Variants in NPFFR2 observed in about 807,000 individuals in gnomAD.
NPFFR2 encodes G-protein coupled receptor 74.
NPFFR2 carries 15 observed loss-of-function variants against 13.1 expected under a neutral mutation model. That is an observed-to-expected ratio of 1.15 (90% CI 0.77 to 1.76). NPFFR2 has a LOEUF of 1.76. Ranked by LOEUF, NPFFR2 falls within the 40% of genes most tolerant of loss-of-function variation. The pLI, the probability that NPFFR2 is intolerant of heterozygous loss-of-function variation, is 0.00. For synonymous variants in NPFFR2, 190 were observed against 175.7 expected, an observed-to-expected ratio of 1.08 and a Z score of -0.65; for missense variants, 572 against 503.5, an observed-to-expected ratio of 1.14 and a Z score of -1.30.
intron 1 of NPFFR2, among the ~76,000 whole-genome samples, chr4:72,102,235 A>T (rs1237364306): frequency 6.6e-6 from 1 of 152,062 alleles, no homozygotes; most frequent in Non-Finnish European, 1.5e-5. Flanking sequence ...TGGTGGAAAA[A>T]CTTAAATGTC....
rs568135801 is a variant in NPFFR2, at chr4:72,085,000, T to TGTCC, written c.-7-43585_-7-43584insGTCC. 5.9e-5 allele frequency among the ~76,000 whole-genome samples: 9 copies of TGTCC among 152,106 alleles called. No homozygotes were observed. The East Asian group carries it at 1.7e-3, about 29-fold the overall frequency. ...TCTGCATTAGGTGGAATCCAAAAAT[T>TGTCC]ACAGACAATCATGCTGTTCTTTATT... On this transcript the variant is annotated intron_variant, in intron 1 of 3. Transcript: ENST00000308744.
intron 1 of NPFFR2, among the ~76,000 whole-genome samples, chr4:72,048,996 A>G (rs1719465279): frequency 6.6e-6 from 1 of 152,108 alleles, no homozygotes; most frequent in South Asian, 2.1e-4. Context: ...GAAGATATGT[A>G]GGGAAGTCAA....
chr4:72,094,186 T>C (rs1015191258), intron 1 of NPFFR2, among the ~76,000 whole-genome samples: 6 of 152,206 alleles, frequency 3.9e-5, no homozygotes, highest in Non-Finnish European at 5.9e-5. Flanking sequence ...ATGTGATTTG[T>C]CTTCAGGTCT....
chr4:72,133,312 A>G (rs189000513), intron 2 of NPFFR2, among the ~76,000 whole-genome samples: 6 of 152,102 alleles, frequency 3.9e-5, no homozygotes, highest in Admixed American at 3.3e-4. Flanking sequence ...AAGGTTAGAT[A>G]TTTGTAGGTG....
intron 2 of NPFFR2, among the ~76,000 whole-genome samples, chr4:72,132,583 C>A (rs1000129651): frequency 2.0e-5 from 3 of 152,306 alleles, no homozygotes; most frequent in Admixed American, 1.3e-4. Flanking sequence ...CATTGTCCTC[C>A]AGAATGGTTG....
chr4:72,038,119 T>C (rs1169669505), intron 1 of NPFFR2, among the ~76,000 whole-genome samples: 2 of 152,156 alleles, frequency 1.3e-5, no homozygotes, highest in African/African-American at 4.8e-5. Flanking sequence ...ATTACAACTT[T>C]TGCACGTGAT....
At chr4:72,123,003 C>G (rs987331277) in intron 1 of NPFFR2, among the ~76,000 whole-genome samples, 1 of 151,958 alleles carries the variant, frequency 6.6e-6, no homozygotes, top group Non-Finnish European at 1.5e-5. Context: ...ATGTAGACCA[C>G]TAGGCACATT....
chr4:72,141,226 A>T (rs1328422791), intron 3 of NPFFR2, among the ~76,000 whole-genome samples: 7 of 151,344 alleles, frequency 4.6e-5, no homozygotes, highest in African/African-American at 1.7e-4. Flanking sequence ...GGATTCATTA[A>T]TTTTTTTAAG....
At chr4:72,084,177 G>C (rs748046615) in intron 1 of NPFFR2, among the ~76,000 whole-genome samples, 3 of 152,022 alleles carry the variant, frequency 2.0e-5, no homozygotes, top group Non-Finnish European at 4.4e-5. Flanking sequence ...ATGTAAAGCA[G>C]GTAATTTTCT....
intron 1 of NPFFR2, among the ~76,000 whole-genome samples, chr4:72,070,967 G>A (rs555114695): frequency 2.0e-5 from 3 of 152,218 alleles, no homozygotes; most frequent in African/African-American, 7.2e-5. Context: ...CATGTTCTTT[G>A]AGAGGGAGAG....
intron 1 of NPFFR2, among the ~76,000 whole-genome samples, chr4:72,032,817 T>C (rs1447600725): frequency 6.6e-6 from 1 of 152,130 alleles, no homozygotes; most frequent in East Asian, 1.9e-4. Context: ...AAATTTAGGG[T>C]CTGGAGGAGA....
chr4:72,115,779 G>T (rs933640552), intron 1 of NPFFR2, among the ~76,000 whole-genome samples: 2 of 151,930 alleles, frequency 1.3e-5, no homozygotes, highest in African/African-American at 4.8e-5. Flanking sequence ...CTCTTCTTTT[G>T]TTTTCCAATG....
intron 3 of NPFFR2, among the ~76,000 whole-genome samples, chr4:72,145,820 C>G (rs924987966): frequency 8.6e-5 from 13 of 151,796 alleles, no homozygotes; most frequent in African/African-American, 3.1e-4. Context: ...TTTATGGAGT[C>G]ATAAAAATCA....
At chr4:72,039,060 G>GT (rs199634760) in intron 1 of NPFFR2, 112 of 128,208 alleles carry the variant, frequency 8.7e-4, no homozygotes, top group South Asian at 1.3e-3. Flanking sequence ...TGGGTTTTTT[G>GT]TTTTTTTTTG....
At chr4:72,057,306 G>A (rs1396317506) in intron 1 of NPFFR2, among the ~76,000 whole-genome samples, 1 of 151,988 alleles carries the variant, frequency 6.6e-6, no homozygotes, top group Non-Finnish European at 1.5e-5. Flanking sequence ...CATCATAAAT[G>A]TGGTGGCTTA....
At chr4:72,094,401 G>T (rs531943656) in intron 1 of NPFFR2, among the ~76,000 whole-genome samples, 1 of 152,286 alleles carries the variant, frequency 6.6e-6, no homozygotes, top group African/African-American at 2.4e-5. Context: ...GCGGTGTGTG[G>T]GGCCATGGAG....
chr4:72,136,848 A>G (rs948816938), intron 2 of NPFFR2, among the ~76,000 whole-genome samples: 7 of 152,162 alleles, frequency 4.6e-5, no homozygotes, highest in East Asian at 1.9e-4. Context: ...ATTTATATAT[A>G]ATTTCCACCA....
intron 1 of NPFFR2, among the ~76,000 whole-genome samples, chr4:72,073,495 T>G (rs1329680086): frequency 2.0e-5 from 3 of 152,056 alleles, no homozygotes; most frequent in African/African-American, 7.2e-5. Context: ...TGAATACATA[T>G]GCAATTATAA....
At chr4:72,035,607 G>T (rs942338833) in intron 1 of NPFFR2, among the ~76,000 whole-genome samples, 7 of 152,162 alleles carry the variant, frequency 4.6e-5, no homozygotes, top group African/African-American at 1.7e-4. Flanking sequence ...AACTAGGCTT[G>T]ATTCTGTTAC....
Sources: gnomAD v4.1 joint callset for allele counts (sites outside exome capture counted in the v4.1 genomes callset) on GRCh38, gnomAD v4.1.1 for gene constraint, MANE v1.5 for transcripts, NCBI Gene and HGNC (gene_info 2026-07-23, HGNC 2026-07-21) for gene names.